Variants in PHF21A observed in about 807,000 individuals in gnomAD.
PHF21A encodes the protein BHC80a.
PHF21A carries 11 observed loss-of-function variants against 82.5 expected under a neutral mutation model. The ratio of observed to expected loss-of-function variants is 0.13; its 90% CI spans 0.08 to 0.22. The LOEUF (loss-of-function observed/expected upper bound fraction) is 0.22, where lower values mean the gene tolerates loss of function less well. PHF21A is among the 10% of genes least tolerant of loss of function. PHF21A has a pLI of 1.00. For missense variants in PHF21A, 579 were observed against 837.8 expected (o/e 0.69, Z 3.81); for synonymous variants, 297 against 302.8 (o/e 0.98, Z 0.20).
At chr11:46,058,886 G>A (rs926478383) in intron 6 of PHF21A, among the ~76,000 whole-genome samples, 3 of 152,266 alleles carry the variant, frequency 2.0e-5, no homozygotes, top group Admixed American at 6.5e-5. Flanking sequence ...TGCCTGCTAC[G>A]AGTACAGAAG....
At chr11:46,050,795 T>A (rs1187650895) in intron 6 of PHF21A, among the ~76,000 whole-genome samples, 2 of 152,216 alleles carry the variant, frequency 1.3e-5, no homozygotes, top group Non-Finnish European at 2.9e-5. Context: ...GCTCTTGGCA[T>A]TGTTCGAGAC....
intron 6 of PHF21A, among the ~76,000 whole-genome samples, chr11:46,001,300 T>C (rs532148199): frequency 5.3e-5 from 8 of 151,008 alleles, no homozygotes; most frequent in South Asian, 2.1e-4. Flanking sequence ...GGGCTGGAAA[T>C]GGGGCTCTAA....
At chr11:45,935,046 G>A in intron 18 of PHF21A, 3 of 1,149,058 alleles carry the variant, frequency 2.6e-6, no homozygotes, top group Non-Finnish European at 1.2e-6. Flanking sequence ...TCCTTGCCTG[G>A]GAGAAGCCTC....
Position 45,945,947 on chromosome 11 carries a change from G to T in PHF21A, c.1345C>A (p.Pro449Thr). 6.2e-7 allele frequency: 1 copy of T among 1,613,692 alleles called. No individual in the cohort carries two copies. The highest frequency in any genetic ancestry group is 8.5e-7 in the Non-Finnish European group (1 of 1,179,748). Reference sequence around the variant, plus strand: ...GGGGAGTCAGGATGACTGGATTGGGGGGATGTTGGGGTAAGGGCTCCAAAC... The same window carrying T: ...GGGGAGTCAGGATGACTGGATTGGGTGGATGTTGGGGTAAGGGCTCCAAAC... ...LGFGALTPTS[P>T]QSSHPDSPEN... The change falls in exon 15 of 19, where the codon CCC becomes ACC. Residue 449 changes from proline to threonine, a missense_variant. Coordinates refer to ENST00000676320, the MANE Select transcript of PHF21A (RefSeq NM_001352027.3).
chr11:46,065,444 C>G (rs2096583108), intron 6 of PHF21A, among the ~76,000 whole-genome samples: 1 of 152,190 alleles, frequency 6.6e-6, no homozygotes, highest in South Asian at 2.1e-4. Context: ...CTGAGCATGG[C>G]AGTGCTGAAA....
chr11:46,061,600 C>T (rs184245621), intron 6 of PHF21A, among the ~76,000 whole-genome samples: 1 of 152,130 alleles, frequency 6.6e-6, no homozygotes, highest in Non-Finnish European at 1.5e-5. Flanking sequence ...AGAAACTATA[C>T]AATGTCTCTC....
chr11:46,070,519 C>G (rs1231550412), intron 6 of PHF21A, among the ~76,000 whole-genome samples: 9 of 152,070 alleles, frequency 5.9e-5, no homozygotes, highest in Admixed American at 5.9e-4. Context: ...TTAGTAGAGA[C>G]AGGGTTTCGC....
intron 1 of PHF21A, among the ~76,000 whole-genome samples, chr11:46,106,674 C>T: frequency 6.6e-6 from 1 of 152,210 alleles, no homozygotes; most frequent in Non-Finnish European, 1.5e-5. Flanking sequence ...ACTTAACATG[C>T]ATGCTGCATA....
At chr11:46,009,469 A>G (rs952001708) in intron 6 of PHF21A, among the ~76,000 whole-genome samples, 3 of 152,218 alleles carry the variant, frequency 2.0e-5, no homozygotes, top group Admixed American at 2.0e-4. Context: ...GAACCATACA[A>G]TTTAACATCT....
intron 6 of PHF21A, among the ~76,000 whole-genome samples, chr11:46,069,811 C>G (rs2096635663): frequency 6.6e-6 from 1 of 152,142 alleles, no homozygotes; most frequent in Non-Finnish European, 1.5e-5. Context: ...GTTAAATGTT[C>G]TAAGCTTCTT....
At chr11:46,064,661 G>A (rs1348686407) in intron 6 of PHF21A, among the ~76,000 whole-genome samples, 2 of 151,970 alleles carry the variant, frequency 1.3e-5, no homozygotes, top group Non-Finnish European at 2.9e-5. Flanking sequence ...AGAAGTGAAG[G>A]AATATATGAT....
chr11:45,991,166 A>G (rs1334216350), intron 6 of PHF21A, among the ~76,000 whole-genome samples: 1 of 152,178 alleles, frequency 6.6e-6, no homozygotes, highest in Non-Finnish European at 1.5e-5. Flanking sequence ...TCTTTCACTC[A>G]GTAATAAGCA....
At chr11:46,058,742 T>C (rs564116879) in intron 6 of PHF21A, among the ~76,000 whole-genome samples, 2 of 152,312 alleles carry the variant, frequency 1.3e-5, no homozygotes, top group East Asian at 1.9e-4. Context: ...ACTAGTAATA[T>C]GGTCCCCTGG....
chr11:46,111,568 G>A (rs1168233042), intron 1 of PHF21A, among the ~76,000 whole-genome samples: 2 of 152,130 alleles, frequency 1.3e-5, no homozygotes, highest in East Asian at 1.9e-4. Context: ...AGAACTCCTC[G>A]CAAGAGAAAA....
At chr11:46,021,616 C>T (rs1283616869) in intron 6 of PHF21A, among the ~76,000 whole-genome samples, 1 of 148,992 alleles carries the variant, frequency 6.7e-6, no homozygotes, top group Non-Finnish European at 1.5e-5. Context: ...ATGATCATAG[C>T]TCACTGCCTT....
At chr11:45,950,179 G>A (rs1436475240) in intron 12 of PHF21A, 27 bp downstream of exon 12, 3 of 1,551,914 alleles carry the variant, frequency 1.9e-6, no homozygotes, top group South Asian at 2.4e-5. Context: ...CAGAAAAAAA[G>A]GCAGTGCCAA....
At chr11:45,944,400 C>A (rs1385196793) in intron 15 of PHF21A, among the ~76,000 whole-genome samples, 1 of 152,048 alleles carries the variant, frequency 6.6e-6, no homozygotes, top group Admixed American at 6.6e-5. Context: ...TTCTTTGTAC[C>A]ATTATTGTAA....
chr11:46,022,060 G>A (rs2095642540), intron 6 of PHF21A, among the ~76,000 whole-genome samples: 1 of 152,158 alleles, frequency 6.6e-6, no homozygotes, highest in African/African-American at 2.4e-5. Context: ...TGTAAGGAGA[G>A]GAACAAGAGA....
At chr11:46,080,848 G>A (rs1261781183) in intron 4 of PHF21A, among the ~76,000 whole-genome samples, 1 of 150,590 alleles carries the variant, frequency 6.6e-6, no homozygotes, top group East Asian at 2.0e-4. Flanking sequence ...TTTTTTTTAA[G>A]AGATGAGGTC....
Sources: allele counts gnomAD v4.1 joint callset (sites outside exome capture counted in the v4.1 genomes callset), GRCh38; gene constraint gnomAD v4.1.1; transcripts MANE v1.5; gene names NCBI Gene and HGNC (gene_info 2026-07-23, HGNC 2026-07-21).